Variants in KCNK2 observed in about 807,000 individuals in gnomAD.
The protein encoded by KCNK2 is potassium channel subfamily K member 2.
A neutral mutation model predicts 40.5 loss-of-function variants in KCNK2; 21 were observed. The observed-to-expected ratio is 0.52, with a 90% CI of 0.37 to 0.75. The LOEUF (loss-of-function observed/expected upper bound fraction) is 0.75. Among genes scored for constraint, KCNK2 ranks in the 30% least tolerant of loss-of-function variants. The pLI is 0.00. For synonymous variants in KCNK2, 191 were observed against 202.2 expected, an observed-to-expected ratio of 0.94 and a Z score of 0.47; for missense variants, 399 against 531.6, an observed-to-expected ratio of 0.75 and a Z score of 2.45.
chr1:215,232,115 C>T (rs1666690917), intron 6 of KCNK2, among the ~76,000 whole-genome samples: 2 of 152,144 alleles, frequency 1.3e-5, no homozygotes. Context: ...ATACTTTGTA[C>T]ACATTAGCAA....
In KCNK2 at chr1:215,082,746, G is replaced by C. The variant is rs1416887641; in HGVS notation, c.-640G>C. Among the ~76,000 whole-genome samples the C allele has an allele frequency of 6.6e-6, 1 of 152,078 alleles. No homozygotes were observed. Among genetic ancestry groups the C allele is most frequent in the Middle Eastern group, 3.4e-3 (1 of 294 alleles). On this transcript the variant is annotated 5_prime_UTR_variant, in exon 1 of 7. Transcript: ENST00000444842. ...AGTTCCGAAAGGAGGGAAACGAGCC[G>C]GCAAGGGGCGACAGGAGCGAGCCGG...
At chr1:215,105,844 T>C (rs1341264662) in intron 2 of KCNK2, among the ~76,000 whole-genome samples, 1 of 152,074 alleles carries the variant, frequency 6.6e-6, no homozygotes, top group African/African-American at 2.4e-5. Flanking sequence ...GAACATGTGG[T>C]ATTTGGTTCT....
chr1:215,165,456 A>T (rs759375298), intron 3 of KCNK2, among the ~76,000 whole-genome samples: 2 of 152,154 alleles, frequency 1.3e-5, no homozygotes, highest in Non-Finnish European at 2.9e-5. Flanking sequence ...TGTAATCATG[A>T]CTGCATTAAC....
intron 6 of KCNK2, among the ~76,000 whole-genome samples, chr1:215,225,431 T>A (rs1050966848): frequency 6.6e-6 from 1 of 152,244 alleles, no homozygotes. Flanking sequence ...GTGGTCAGAA[T>A]TAATTTCTAT....
intron 2 of KCNK2, among the ~76,000 whole-genome samples, chr1:215,108,854 G>A (rs1453817837): frequency 9.9e-5 from 15 of 151,718 alleles, no homozygotes; most frequent in Non-Finnish European, 2.2e-4. Flanking sequence ...TTGGGGAGAG[G>A]GAGGGAGAGA....
At chr1:215,141,051 G>C (rs1465784178) in intron 3 of KCNK2, among the ~76,000 whole-genome samples, 2 of 151,480 alleles carry the variant, frequency 1.3e-5, no homozygotes. Context: ...CACTAGCCTA[G>C]ACCTACACAG....
intron 1 of KCNK2, among the ~76,000 whole-genome samples, chr1:215,008,059 T>C (rs1656246743): frequency 6.6e-6 from 1 of 151,798 alleles, no homozygotes; most frequent in African/African-American, 2.4e-5. Context: ...GGATTTATTA[T>C]GCAAAATTCT....
At chr1:215,075,755 G>A (rs1418615443) in intron 1 of KCNK2, among the ~76,000 whole-genome samples, 1 of 152,206 alleles carries the variant, frequency 6.6e-6, no homozygotes, top group Non-Finnish European at 1.5e-5. Context: ...GACCTGAGTT[G>A]CCATGTAGCC....
intron 2 of KCNK2, among the ~76,000 whole-genome samples, chr1:215,103,286 C>T (rs765939281): frequency 6.6e-6 from 1 of 151,790 alleles, no homozygotes; most frequent in Non-Finnish European, 1.5e-5. Flanking sequence ...ATAGATGATA[C>T]TAGATGATTC....
chr1:215,079,129 G>T (rs1357520179), upstream of KCNK2, among the ~76,000 whole-genome samples: 1 of 152,172 alleles, frequency 6.6e-6, no homozygotes. Flanking sequence ...ATTTCAGTTT[G>T]CTTATTCATT....
At chr1:215,009,968 G>A (rs1468969625) in intron 1 of KCNK2, among the ~76,000 whole-genome samples, 4 of 152,114 alleles carry the variant, frequency 2.6e-5, no homozygotes, top group African/African-American at 9.7e-5. Flanking sequence ...GAGATAACAT[G>A]GACTTGGACA....
intron 5 of KCNK2, among the ~76,000 whole-genome samples, chr1:215,186,029 G>A (rs1213200156): frequency 5.9e-5 from 9 of 152,200 alleles, no homozygotes; most frequent in Admixed American, 5.9e-4. Context: ...AGCATCTTAA[G>A]AACAAGTGAT....
chr1:215,130,883 C>G (rs182400085), intron 3 of KCNK2, among the ~76,000 whole-genome samples: 1 of 151,804 alleles, frequency 6.6e-6, no homozygotes, highest in African/African-American at 2.4e-5. Context: ...ATTTTTGAGA[C>G]GGAGTCCCGC....
At chr1:215,150,072 C>A (rs1662618458) in intron 3 of KCNK2, among the ~76,000 whole-genome samples, 2 of 152,114 alleles carry the variant, frequency 1.3e-5, no homozygotes, top group Non-Finnish European at 2.9e-5. Flanking sequence ...CTAGTAAGAT[C>A]AGTCTTAGTA....
rs1044854628 is a variant in KCNK2 at position 215,121,795 on chromosome 1, A to G, written c.358-2838A>G. 3.9e-5 allele frequency among the ~76,000 whole-genome samples: 6 copies of G among 152,214 alleles called. No individual in the cohort carries two copies. The South Asian group carries it at 1.2e-3, about 31-fold the overall frequency. On this transcript the variant is annotated intron_variant, in intron 2 of 6. Transcript: ENST00000444842. ...AAATTGTAAAATTGTTTCTCTTCTC[A>G]CTATGTATTTTGTTTTAGAGACATA... is the stretch of plus-strand genomic sequence containing the variant.
At chr1:215,085,741 C>T (rs900553303) in intron 1 of KCNK2, among the ~76,000 whole-genome samples, 1 of 152,178 alleles carries the variant, frequency 6.6e-6, no homozygotes, top group African/African-American at 2.4e-5. Context: ...CATGAGCCCA[C>T]TTTGGAGGAC....
intron 6 of KCNK2, among the ~76,000 whole-genome samples, chr1:215,205,203 G>C (rs868199442): frequency 2.0e-5 from 3 of 152,058 alleles, no homozygotes; most frequent in Non-Finnish European, 4.4e-5. Flanking sequence ...AATAGATCTG[G>C]CCAAGGATTT....
intron 3 of KCNK2, among the ~76,000 whole-genome samples, chr1:215,166,378 C>G (rs930145608): frequency 6.6e-6 from 1 of 151,978 alleles, no homozygotes; most frequent in African/African-American, 2.4e-5. Context: ...CATAAAGTCA[C>G]CAAAATTAAA....
At chr1:215,172,268 G>A (rs1004082461) in intron 5 of KCNK2, 85 bp downstream of exon 5, 2 of 1,253,090 alleles carry the variant, frequency 1.6e-6, no homozygotes, top group African/African-American at 3.0e-5. Flanking sequence ...CGAAACACAA[G>A]GGCTGTATGA....
Sources: gnomAD v4.1 joint callset for allele counts (sites outside exome capture counted in the v4.1 genomes callset) on GRCh38, gnomAD v4.1.1 for gene constraint, MANE v1.5 for transcripts, NCBI Gene and HGNC (gene_info 2026-07-23, HGNC 2026-07-21) for gene names.